Variants in SEC14L2 observed in about 807,000 individuals in gnomAD.
The protein encoded by SEC14L2 is SEC14-like protein 2.
In SEC14L2, 50 loss-of-function variants were observed where a neutral mutation model predicts 56.9. The observed-to-expected ratio is 0.88, with a 90% CI of 0.70 to 1.11. The LOEUF is 1.11. SEC14L2 is among the 50% of genes most tolerant of loss of function. The pLI is 0.00. For synonymous variants in SEC14L2, 179 were observed against 188.5 expected (o/e 0.95, Z 0.41); for missense variants, 414 against 500.7 (o/e 0.83, Z 1.65).
intron 8 of SEC14L2, among the ~76,000 whole-genome samples, chr22:30,415,029 T>G (rs1487875755): frequency 6.6e-6 from 1 of 152,180 alleles, no homozygotes; most frequent in African/African-American, 2.4e-5. Flanking sequence ...TTCCTCTGCA[T>G]GGAATGTCCT....
intron 2 of SEC14L2, among the ~76,000 whole-genome samples, chr22:30,403,076 C>CA (rs1418352597): frequency 1.3e-5 from 2 of 152,152 alleles, no homozygotes; most frequent in Non-Finnish European, 2.9e-5. Context: ...GATTCTGTCT[C>CA]AAAGAAAATA....
At chr22:30,415,536 G>A (rs1254244248) in intron 8 of SEC14L2, among the ~76,000 whole-genome samples, 1 of 152,176 alleles carries the variant, frequency 6.6e-6, no homozygotes, top group African/African-American at 2.4e-5. Context: ...AGGAACCAGG[G>A]TCTCGATTTC....
chr22:30,416,381 C>T lies in SEC14L2; in HGVS notation c.1059C>T (p.Leu353=). Residue 353 remains leucine, a synonymous_variant, in exon 11 of 12, where the codon CTC becomes CTT. Transcript: ENST00000615189. ...ACCTGGTCCCTGAAGATGGGACCCT[C>T]ACCTGCAGTGATCCTGGCATCTGTA... ...NSHLVPEDGT[L]TCSDPGIYVL... 1.2e-6 allele frequency: 2 copies of T among 1,614,244 alleles called. No individual in the cohort carries two copies. Among genetic ancestry groups the T allele is most frequent in the Non-Finnish European group, 1.7e-6 (2 of 1,180,036 alleles).
intron 11 of SEC14L2, among the ~76,000 whole-genome samples, chr22:30,418,651 G>A (rs1193682446): frequency 1.3e-5 from 2 of 152,318 alleles, no homozygotes; most frequent in Admixed American, 1.3e-4. Context: ...CCATTCCCAA[G>A]AGGAGCAGAG....
At chr22:30,410,707 C>T in intron 8 of SEC14L2, 28 bp downstream of exon 8, 1 of 1,597,682 alleles carries the variant, frequency 6.3e-7, no homozygotes, top group Non-Finnish European at 8.6e-7. Context: ...TTCTCAACTC[C>T]AAAGGAGGGT....
In SEC14L2 at chr22:30,416,031, C is replaced by T. The variant is rs745707204; in HGVS notation, c.855C>T (p.Ser285=). 3.7e-6 allele frequency: 6 copies of T among 1,614,208 alleles called. No individual in the cohort carries two copies. The highest frequency in any genetic ancestry group is 5.1e-6 in the Non-Finnish European group (6 of 1,180,042). ...AGTATGAACACAGCGTGCAGATTTC[C>T]CGTGGCTCCTCCCACCAAGTGGAGT... is the stretch of plus-strand genomic sequence containing the variant. ...KQQYEHSVQI[S]RGSSHQVEYE... is the part of the protein sequence containing the mutation. Residue 285 remains serine, a synonymous_variant, in exon 10 of 12, where the codon TCC becomes TCT. Coordinates refer to ENST00000615189, the MANE Select transcript of SEC14L2 (RefSeq NM_012429.5).
chr22:30,416,836 C>A, intron 11 of SEC14L2: 1 of 1,090,036 alleles, frequency 9.2e-7, no homozygotes, highest in Non-Finnish European at 1.1e-6. Flanking sequence ...TTTCACTCAT[C>A]TCCCAGCTGA....
At chr22:30,408,193 T>C (rs1392688037) in intron 5 of SEC14L2, among the ~76,000 whole-genome samples, 4 of 152,172 alleles carry the variant, frequency 2.6e-5, no homozygotes, top group Non-Finnish European at 4.4e-5. Context: ...CTGATTTATA[T>C]GGGGACCCAG....
chr22:30,399,707 G>C lies in SEC14L2; in HGVS notation c.119G>C (p.Arg40Pro). Residue 40 changes from arginine to proline, a missense_variant, in exon 2 of 12, where the codon CGT becomes CCT. By Grantham distance (103) the Arg-to-Pro change is moderately radical (BLOSUM62 -2). Transcript: ENST00000615189. Reference protein sequence around the residue: ...LPNPDDYFLLRWLRARSFDLQ... With the variant: ...LPNPDDYFLLPWLRARSFDLQ... ...AATCCAGATGACTATTTTCTCCTGC[G>C]TTGGCTCCGAGGTGAGGGAAGAGGG... 2 of 1,613,570 alleles carry C rather than the reference G, an allele frequency of 1.2e-6. No homozygotes were observed. Among genetic ancestry groups the C allele is most frequent in the South Asian group, 1.1e-5 (1 of 91,072 alleles).
intron 1 of SEC14L2, chr22:30,398,966 C>A: frequency 5.5e-6 from 2 of 365,574 alleles, no homozygotes; most frequent in South Asian, 4.2e-5. Context: ...GTGCCAAGAT[C>A]AGCGCTGAGC....
intron 4 of SEC14L2, 104 bp from the exon 5 acceptor site, chr22:30,407,311 G>A: frequency 6.9e-7 from 1 of 1,457,238 alleles, no homozygotes; most frequent in Non-Finnish European, 9.5e-7. Context: ...GTACCCAGGA[G>A]AGGGAGGTAG....
chr22:30,407,742 C>CT, intron 5 of SEC14L2, 139 bp downstream of exon 5: 2 of 728,984 alleles, frequency 2.7e-6, no homozygotes, highest in South Asian at 2.7e-5. Context: ...ATTTTTAAAA[C>CT]TTTTTTAGTA....
At chr22:30,420,454 G>C (rs1341123182) in intron 11 of SEC14L2, 1 of 152,204 alleles carries the variant, frequency 6.6e-6, no homozygotes, top group Non-Finnish European at 1.5e-5. Flanking sequence ...CTGAGGCCAA[G>C]TATCTTGCTA....
In SEC14L2 at chr22:30,425,248, T is replaced by A. The variant is rs375905076; in HGVS notation, c.*2841T>A. The A allele has an allele frequency of 6.6e-4, 118 of 178,960 alleles. No individual in the cohort carries two copies. The highest frequency in any genetic ancestry group is 2.6e-3 in the African/African-American group (108 of 42,140). 11.1% of individuals were successfully genotyped at this position (178,960 alleles called of 1,614,324 possible). A position where few individuals can be genotyped will look rare whatever the true frequency, so the allele number is the denominator to read the frequency against. On this transcript the variant is annotated 3_prime_UTR_variant, in exon 12 of 12. Transcript: ENST00000615189. ...TTCAGGTGTAAGACATGGAGAGTCC[T>A]TTAGCGAACATGTAGACTGGCAATA... is the stretch of plus-strand genomic sequence containing the variant.
intron 2 of SEC14L2, among the ~76,000 whole-genome samples, chr22:30,403,831 G>A (rs962962138): frequency 3.3e-5 from 5 of 151,640 alleles, no homozygotes; most frequent in African/African-American, 9.7e-5. Context: ...GTGAAACCCC[G>A]TCTCTACTAA....
chr22:30,407,259 T>C (rs1934121944), intron 4 of SEC14L2, 105 bp downstream of exon 4: 2 of 1,477,094 alleles, frequency 1.4e-6, no homozygotes, highest in Admixed American at 3.4e-5. Flanking sequence ...GGTCTGACAA[T>C]GCCCACTGAG....
At position 30,424,316 on chromosome 22, in the gene SEC14L2, A is replaced by G. The variant is rs1023364791; in HGVS notation, c.*1909A>G. 11 of 163,268 alleles carry G rather than the reference A, an allele frequency of 6.7e-5. No individual in the cohort carries two copies. The highest frequency in any genetic ancestry group is 1.1e-4 in the Non-Finnish European group (8 of 73,574). The allele number at this position is 163,268 out of a possible 1,614,324, so 10.1% of individuals were successfully genotyped here. A position where few individuals can be genotyped will look rare whatever the true frequency, so the allele number is the denominator to read the frequency against. The stretch of plus-strand genomic sequence containing the variant: ...GGGGGTGGGAACCGCTGCGTTCCCC[A>G]TCAACTTTTCTCCCACCCACCACCC... On this transcript the variant is annotated 3_prime_UTR_variant, in exon 12 of 12. Coordinates refer to ENST00000615189, the MANE Select transcript of SEC14L2 (RefSeq NM_012429.5).
At chr22:30,406,456 G>C in intron 3 of SEC14L2, 71 bp downstream of exon 3, 1 of 1,452,138 alleles carries the variant, frequency 6.9e-7, no homozygotes, top group Non-Finnish European at 9.6e-7. Context: ...TTCTTTTGCC[G>C]CACCTCCCAT....
chr22:30,412,835 AC>A (rs1290822194), intron 8 of SEC14L2, among the ~76,000 whole-genome samples: 6 of 140,814 alleles, frequency 4.3e-5, no homozygotes, highest in African/African-American at 1.6e-4. Flanking sequence ...AAAAAAAAAA[AC>A]AAACAAAAAA....
Sources: gnomAD v4.1 joint callset for allele counts (sites outside exome capture counted in the v4.1 genomes callset) on GRCh38, gnomAD v4.1.1 for gene constraint, MANE v1.5 for transcripts, NCBI Gene and HGNC (gene_info 2026-07-23, HGNC 2026-07-21) for gene names.